The following KMT2A variants were observed in gnomAD, a reference collection of about 807,000 sequenced individuals.
KMT2A encodes histone-lysine N-methyltransferase 2A.
KMT2A carries 16 observed loss-of-function variants against 345.3 expected under a neutral mutation model. That is an observed-to-expected ratio of 0.05 (90% CI 0.03 to 0.07). The LOEUF is 0.07. KMT2A is among the 10% of genes least tolerant of loss of function. The pLI is 1.00. For synonymous variants in KMT2A, 1,599 were observed against 1,778.6 expected (o/e 0.90, Z 2.54); for missense variants, 3,272 against 4,841.6 (o/e 0.68, Z 9.62).
chr11:118,500,917 G>T, intron 24 of KMT2A, 70 bp from the exon 25 acceptor site: 1 of 1,291,110 alleles, frequency 7.7e-7, no homozygotes, highest in Admixed American at 1.8e-5. Flanking sequence ...ATAAAGAGAG[G>T]TTTTGAAAAA....
At chr11:118,517,389 C>CT (rs1169934497) in intron 31 of KMT2A, among the ~76,000 whole-genome samples, 1 of 92,368 alleles carries the variant, frequency 1.1e-5, no homozygotes, top group Non-Finnish European at 2.1e-5. Flanking sequence ...GGGTGAGACT[C>CT]TGTCTCAAAA....
rs1403508362 is a variant in KMT2A at position 118,520,268 on chromosome 11, G to T, written c.11429+204G>T. Reference sequence around the variant, plus strand: ...AGAGGAGAAATTCAAAGAACTGTAAGATGCCTGTTTTCTTTAATGATAGTA... The same window carrying T: ...AGAGGAGAAATTCAAAGAACTGTAATATGCCTGTTTTCTTTAATGATAGTA... On this transcript the variant is annotated intron_variant, in intron 33 of 35. Coordinates refer to ENST00000534358, the MANE Select transcript of KMT2A (RefSeq NM_001197104.2). This position sits in a 1 kb window ranked among gnomAD's most constrained non-coding sequence, Gnocchi z 4.3. 1 of 559,862 alleles carries T rather than the reference G, an allele frequency of 1.8e-6. No homozygotes were observed. The highest frequency in any genetic ancestry group is 1.9e-5 in the African/African-American group (1 of 52,930). 34.7% of individuals were successfully genotyped at this position (559,862 alleles called of 1,614,324 possible). A position where few individuals can be genotyped will look rare whatever the true frequency, so the allele number is the denominator to read the frequency against.
chr11:118,453,021 T>C (rs1949572081), intron 1 of KMT2A, among the ~76,000 whole-genome samples: 1 of 152,062 alleles, frequency 6.6e-6, no homozygotes, highest in Admixed American at 6.6e-5. Context: ...CCTGCAGTTA[T>C]CTCATCTCTC....
intron 3 of KMT2A, among the ~76,000 whole-genome samples, chr11:118,475,394 A>G (rs1416314579): frequency 6.6e-6 from 1 of 152,200 alleles, no homozygotes; most frequent in Non-Finnish European, 1.5e-5. Flanking sequence ...GCAGCAAATC[A>G]GGTTAGGTTA....
rs782091928 is a variant in KMT2A at position 118,520,758 on chromosome 11, T to A, written c.11430-44T>A. ...ACCTTCGATTCAAGACTCAAAACAT[T>A]ATTTCCTGAAAAAAATTCGTTAATA... On this transcript the variant is annotated intron_variant, in intron 33 of 35. Coordinates refer to ENST00000534358, the MANE Select transcript of KMT2A (RefSeq NM_001197104.2). The surrounding 1 kb of genome is among the most constrained non-coding windows in gnomAD (Gnocchi z 4.3). 4.9e-5 allele frequency: 70 copies of A among 1,431,642 alleles called. No homozygotes were observed. The highest frequency in any genetic ancestry group is 6.8e-5 in the Non-Finnish European group (69 of 1,013,826). 88.7% of individuals were successfully genotyped at this position (1,431,642 alleles called of 1,614,324 possible). A position where few individuals can be genotyped will look rare whatever the true frequency, so the allele number is the denominator to read the frequency against.
At chr11:118,444,337 G>A (rs1200087023) in intron 1 of KMT2A, among the ~76,000 whole-genome samples, 1 of 152,146 alleles carries the variant, frequency 6.6e-6, no homozygotes, top group Admixed American at 6.5e-5. Context: ...AAACCTTGTG[G>A]ATAACATCTC....
chr11:118,495,642 A>G lies in KMT2A; in HGVS notation c.5364-58A>G. The G allele has an allele frequency of 7.6e-7, 1 of 1,307,462 alleles. No homozygotes were observed. Among genetic ancestry groups the G allele is most frequent in the Non-Finnish European group, 1.0e-6 (1 of 957,346 alleles). 81.0% of individuals were successfully genotyped at this position (1,307,462 alleles called of 1,614,324 possible). ...AGGTGATATCAAGAATTTATTTTAT[A>G]CAGTTCTAGGTATACTGTAGGAGTT... On this transcript the variant is annotated intron_variant, in intron 18 of 35. Coordinates refer to ENST00000534358, the MANE Select transcript of KMT2A (RefSeq NM_001197104.2). This position sits in a 1 kb window ranked among gnomAD's most constrained non-coding sequence, Gnocchi z 4.1.
chr11:118,514,873 TC>T (rs1950776496), intron 31 of KMT2A, among the ~76,000 whole-genome samples: 1 of 152,188 alleles, frequency 6.6e-6, no homozygotes, highest in African/African-American at 2.4e-5. Context: ...CCTCAGGTAA[TC>T]TGCCCGCCTC....
Position 118,506,808 on chromosome 11 carries a change from G to A in KMT2A, c.10754+162G>A, listed in dbSNP as rs9332846. Among the ~76,000 whole-genome samples, 7,244 of 152,226 alleles carry A rather than the reference G, an allele frequency of 0.048. 215 individuals are homozygous for A. The highest frequency in any genetic ancestry group is 0.067 in the South Asian group (324 of 4,818). On this transcript the variant is annotated intron_variant, in intron 27 of 35. Transcript: ENST00000534358. ...TTTTTCTCTCTGAGTGGTGATTTAT[G>A]TAACAAAATGTAGTTCCATCCATGG...
intron 1 of KMT2A, among the ~76,000 whole-genome samples, chr11:118,453,860 AT>A (rs1949589551): frequency 6.6e-6 from 1 of 152,170 alleles, no homozygotes; most frequent in Admixed American, 6.5e-5. Context: ...TACTTACCAT[AT>A]CTAAAAAGTC....
chr11:118,475,451 C>T (rs868920779), intron 3 of KMT2A, among the ~76,000 whole-genome samples: 2 of 152,054 alleles, frequency 1.3e-5, no homozygotes, highest in African/African-American at 2.4e-5. Flanking sequence ...GGGCTGGGTA[C>T]GGTGGCTTAC....
intron 1 of KMT2A, chr11:118,447,583 G>C (rs1555027510): frequency 2.3e-6 from 1 of 435,274 alleles, no homozygotes; most frequent in African/African-American, 2.0e-5. Context: ...ATAATACTTA[G>C]CACTGATCAT....
At chr11:118,457,516 C>A (rs782585877) in intron 1 of KMT2A, among the ~76,000 whole-genome samples, 1 of 151,864 alleles carries the variant, frequency 6.6e-6, no homozygotes, top group Non-Finnish European at 1.5e-5. Flanking sequence ...CATGATCCAC[C>A]TGCGTTGGCC....
At chr11:118,466,448 TG>T (rs1297963279) in intron 1 of KMT2A, among the ~76,000 whole-genome samples, 1 of 152,244 alleles carries the variant, frequency 6.6e-6, no homozygotes, top group African/African-American at 2.4e-5. Flanking sequence ...TGAGCTACTG[TG>T]CTGGCCAAGA....
chr11:118,498,248 A>G lies in KMT2A; in HGVS notation c.5803-122A>G. The G allele has an allele frequency of 1.7e-6, 2 of 1,192,784 alleles. No homozygotes were observed. The highest frequency in any genetic ancestry group is 2.3e-5 in the East Asian group (1 of 42,710). The allele number at this position is 1,192,784 out of a possible 1,614,324, so 73.9% of individuals were successfully genotyped here. The stretch of plus-strand genomic sequence containing the variant: ...AAATGATAAATTTTATCTGTTTTCA[A>G]TTTATCAATAGATAAAATGAATTGT... On this transcript the variant is annotated intron_variant, in intron 21 of 35. Coordinates refer to ENST00000534358, the MANE Select transcript of KMT2A (RefSeq NM_001197104.2). This position sits in a 1 kb window ranked among gnomAD's most constrained non-coding sequence, Gnocchi z 4.4.
Position 118,499,887 on chromosome 11 carries a change from A to G in KMT2A, c.6132A>G (p.Glu2044=). 6.2e-7 allele frequency: 1 copy of G among 1,612,428 alleles called. No homozygotes were observed. Among genetic ancestry groups the G allele is most frequent in the Non-Finnish European group, 8.5e-7 (1 of 1,178,452 alleles). Residue 2044 remains glutamate (E), a synonymous_variant, in exon 24 of 36, where the codon GAA becomes GAG. Coordinates refer to ENST00000534358, the MANE Select transcript of KMT2A (RefSeq NM_001197104.2). ...LGILNDLSDC[E]DKLFPIGYQC... ...TTCTAAATGATCTCTCCGACTGTGA[A>G]GATAAGCTCTTTCCTATTGGATATC...
At position 118,520,733 on chromosome 11, in the gene KMT2A, A is replaced by T; in HGVS notation, c.11430-69A>T. The T allele has an allele frequency of 8.8e-7, 1 of 1,136,918 alleles. No individual in the cohort carries two copies. 70.4% of individuals were successfully genotyped at this position (1,136,918 alleles called of 1,614,324 possible). ...AAGAGTGTACTAATTGTCTCTAGGA[A>T]CCTTCGATTCAAGACTCAAAACATT... On this transcript the variant is annotated intron_variant, in intron 33 of 35. Coordinates refer to ENST00000534358, the MANE Select transcript of KMT2A (RefSeq NM_001197104.2). The surrounding 1 kb of genome is among the most constrained non-coding windows in gnomAD (Gnocchi z 4.3).
intron 10 of KMT2A, among the ~76,000 whole-genome samples, chr11:118,487,110 G>A (rs968273634): frequency 2.6e-5 from 4 of 152,144 alleles, no homozygotes; most frequent in Non-Finnish European, 5.9e-5. Flanking sequence ...AAGTGCAGAA[G>A]TTCAGATATC....
intron 8 of KMT2A, among the ~76,000 whole-genome samples, chr11:118,483,528 C>T (rs1591387513): frequency 1.3e-5 from 2 of 152,084 alleles, no homozygotes; most frequent in Admixed American, 1.3e-4. Flanking sequence ...GAGACTCCGT[C>T]TCAAAAAAAA....
Sources: gnomAD v4.1 joint callset for allele counts (sites outside exome capture counted in the v4.1 genomes callset) on GRCh38, gnomAD v4.1.1 for gene constraint, Gnocchi (gnomAD v3.1) non-coding constraint, MANE v1.5 for transcripts, NCBI Gene and HGNC (gene_info 2026-07-23, HGNC 2026-07-21) for gene names.